The following LMBR1 variants were observed in gnomAD, a reference collection of about 807,000 sequenced individuals.
The protein encoded by LMBR1 is limb development membrane protein 1.
In LMBR1, 52 loss-of-function variants were observed where a neutral mutation model predicts 73.9. That is an observed-to-expected ratio of 0.70 (90% CI 0.56 to 0.89). The LOEUF is 0.89. Among genes scored for constraint, LMBR1 ranks in the 40% least tolerant of loss-of-function variants. The pLI is 0.00. For synonymous variants in LMBR1, 215 were observed against 209.4 expected (o/e 1.03, Z -0.23); for missense variants, 539 against 579.8 (o/e 0.93, Z 0.72).
chr7:156,887,696 C>G (rs146011288), intron 1 of LMBR1, among the ~76,000 whole-genome samples: 2 of 152,070 alleles, frequency 1.3e-5, no homozygotes, highest in East Asian at 3.9e-4. Flanking sequence ...AACTTTTGTG[C>G]ATCAAAGGAC....
intron 9 of LMBR1, among the ~76,000 whole-genome samples, chr7:156,750,149 C>T (rs1820582133): frequency 6.6e-6 from 1 of 152,018 alleles, no homozygotes; most frequent in Admixed American, 6.6e-5. Context: ...ACTTAAACAA[C>T]AAAAAATAAT....
chr7:156,736,884 G>A (rs1817972099), intron 9 of LMBR1, among the ~76,000 whole-genome samples: 1 of 152,046 alleles, frequency 6.6e-6, no homozygotes. Context: ...TCCTGCCAAA[G>A]GTCTTTATTT....
At chr7:156,793,149 A>T (rs1829522149) in intron 5 of LMBR1, among the ~76,000 whole-genome samples, 1 of 152,230 alleles carries the variant, frequency 6.6e-6, no homozygotes, top group Non-Finnish European at 1.5e-5. Flanking sequence ...CAATCATAAC[A>T]TTAATTTCAA....
At chr7:156,803,354 C>T (rs1831368626) in intron 4 of LMBR1, among the ~76,000 whole-genome samples, 1 of 151,888 alleles carries the variant, frequency 6.6e-6, no homozygotes, top group South Asian at 2.1e-4. Context: ...TATGAACAGA[C>T]ACTTCTCAAA....
At chr7:156,751,845 T>C (rs1820960247) in intron 9 of LMBR1, among the ~76,000 whole-genome samples, 2 of 152,208 alleles carry the variant, frequency 1.3e-5, no homozygotes, top group African/African-American at 2.4e-5. Flanking sequence ...TTTGGACATA[T>C]GTTTAAGATG....
intron 4 of LMBR1, among the ~76,000 whole-genome samples, chr7:156,824,407 A>G (rs1323135225): frequency 1.3e-5 from 2 of 152,184 alleles, no homozygotes; most frequent in Admixed American, 6.5e-5. Flanking sequence ...TTTATCTTAC[A>G]TATAAAACTA....
intron 9 of LMBR1, among the ~76,000 whole-genome samples, chr7:156,743,567 A>G (rs1208255472): frequency 6.6e-6 from 1 of 152,228 alleles, no homozygotes; most frequent in Non-Finnish European, 1.5e-5. Context: ...AAGTACTGCC[A>G]TCCTCAAGTT....
chr7:156,809,874 T>C (rs1056085984), intron 4 of LMBR1, among the ~76,000 whole-genome samples: 6 of 152,210 alleles, frequency 3.9e-5, no homozygotes, highest in African/African-American at 1.2e-4. Context: ...TCATGTTTCT[T>C]GTACATAGAA....
intron 1 of LMBR1, among the ~76,000 whole-genome samples, chr7:156,868,461 G>T (rs1430884613): frequency 6.6e-6 from 1 of 152,062 alleles, no homozygotes; most frequent in Non-Finnish European, 1.5e-5. Context: ...AGATCACAAG[G>T]TCAGGAGTTC....
At chr7:156,884,050 T>C (rs551531969) in intron 1 of LMBR1, among the ~76,000 whole-genome samples, 27 of 152,372 alleles carry the variant, frequency 1.8e-4, no homozygotes, top group African/African-American at 4.6e-4. Context: ...GAAACCTCTA[T>C]ACCTCTATCC....
chr7:156,741,655 A>C (rs1373182121), intron 9 of LMBR1, among the ~76,000 whole-genome samples: 1 of 152,174 alleles, frequency 6.6e-6, no homozygotes, highest in Non-Finnish European at 1.5e-5. Flanking sequence ...TATAAAGCAA[A>C]TATTATTAAA....
At chr7:156,753,149 C>T (rs1040726099) in intron 9 of LMBR1, among the ~76,000 whole-genome samples, 2 of 151,918 alleles carry the variant, frequency 1.3e-5, no homozygotes, top group Admixed American at 1.3e-4. Flanking sequence ...CAGGCACGAG[C>T]GGGTGAGGCA....
chr7:156,879,878 G>C (rs928108432), intron 1 of LMBR1, among the ~76,000 whole-genome samples: 1 of 152,150 alleles, frequency 6.6e-6, no homozygotes, highest in Admixed American at 6.5e-5. Flanking sequence ...GCAGTGAAAA[G>C]GGAACACTTC....
At chr7:156,718,153 A>C (rs1813632558) in intron 15 of LMBR1, among the ~76,000 whole-genome samples, 1 of 152,154 alleles carries the variant, frequency 6.6e-6, no homozygotes, top group South Asian at 2.1e-4. Context: ...TAATCCCAGC[A>C]CTTTGGGAGG....
intron 9 of LMBR1, among the ~76,000 whole-genome samples, chr7:156,740,327 A>T (rs1213047694): frequency 2.0e-5 from 3 of 152,210 alleles, no homozygotes; most frequent in Non-Finnish European, 4.4e-5. Flanking sequence ...GAGAGGTAGG[A>T]AGTTTATTCA....
intron 16 of LMBR1, 91 bp downstream of exon 16, chr7:156,687,939 G>T: frequency 8.1e-7 from 1 of 1,235,864 alleles, no homozygotes. Flanking sequence ...TACAAATTTG[G>T]GAAACTAAAT....
At chr7:156,715,320 G>A (rs1812982742) in intron 15 of LMBR1, among the ~76,000 whole-genome samples, 1 of 151,748 alleles carries the variant, frequency 6.6e-6, no homozygotes, top group Non-Finnish European at 1.5e-5. Context: ...ACAGTTCAAG[G>A]GCTTTGGATA....
At chr7:156,727,894 T>C in intron 12 of LMBR1, 36 bp downstream of exon 12, 1 of 1,477,880 alleles carries the variant, frequency 6.8e-7, no homozygotes, top group Admixed American at 1.7e-5. Flanking sequence ...AGAATACTTT[T>C]GCAAAAGAAA....
chr7:156,833,154 G>C (rs1016962892), intron 3 of LMBR1, among the ~76,000 whole-genome samples: 1 of 152,136 alleles, frequency 6.6e-6, no homozygotes, highest in Admixed American at 6.5e-5. Flanking sequence ...CTATAAACTT[G>C]AAATTTCAAA....
Sources: gnomAD v4.1 joint callset for allele counts (sites outside exome capture counted in the v4.1 genomes callset) on GRCh38, gnomAD v4.1.1 for gene constraint, MANE v1.5 for transcripts, NCBI Gene and HGNC (gene_info 2026-07-23, HGNC 2026-07-21) for gene names.